The following GPC5 variants were observed in gnomAD, a reference collection of about 807,000 sequenced individuals.
GPC5 encodes glypican-5.
Under a neutral mutation model 53.9 loss-of-function variants are expected in GPC5, and 47 were observed. The observed-to-expected ratio is 0.87, with a 90% CI of 0.69 to 1.11. GPC5 has a LOEUF of 1.11. Ranked by LOEUF, GPC5 falls within the 50% of genes most tolerant of loss-of-function variation. The pLI, the probability that GPC5 is intolerant of heterozygous loss-of-function variation, is 0.00. For synonymous variants in GPC5, 286 were observed against 263.3 expected (o/e 1.09, Z -0.84); for missense variants, 748 against 713.1 (o/e 1.05, Z -0.56).
intron 5 of GPC5, among the ~76,000 whole-genome samples, chr13:91,895,659 A>G (rs2039433731): frequency 6.7e-6 from 1 of 148,198 alleles, no homozygotes; most frequent in Admixed American, 6.8e-5. Context: ...TTTCTTTAAC[A>G]TGACTTTAAA....
At chr13:92,695,317 A>G (rs1594426312) in intron 7 of GPC5, among the ~76,000 whole-genome samples, 1 of 152,180 alleles carries the variant, frequency 6.6e-6, no homozygotes, top group African/African-American at 2.4e-5. Context: ...GATTCTAGAT[A>G]TTAGACCTTG....
At chr13:92,865,909 A>T (rs1327052370) in intron 7 of GPC5, among the ~76,000 whole-genome samples, 1 of 152,170 alleles carries the variant, frequency 6.6e-6, no homozygotes, top group Admixed American at 6.6e-5. Flanking sequence ...TTTTATTTTC[A>T]TGGGAAAAGT....
chr13:91,603,243 T>G (rs1158563421), intron 2 of GPC5, among the ~76,000 whole-genome samples: 1 of 152,210 alleles, frequency 6.6e-6, no homozygotes, highest in African/African-American at 2.4e-5. Flanking sequence ...AGGCTGAATG[T>G]GAAATTTTAA....
intron 6 of GPC5, among the ~76,000 whole-genome samples, chr13:92,120,527 A>G (rs2041640515): frequency 1.3e-5 from 2 of 152,198 alleles, no homozygotes; most frequent in South Asian, 4.1e-4. Context: ...CTAGGATTAC[A>G]GGTGCGAGCC....
chr13:92,342,703 T>A (rs2043377252), intron 7 of GPC5, among the ~76,000 whole-genome samples: 1 of 152,136 alleles, frequency 6.6e-6, no homozygotes. Context: ...AAGACAATCA[T>A]AAATGATTCC....
intron 5 of GPC5, among the ~76,000 whole-genome samples, chr13:91,780,249 G>T (rs1285506722): frequency 2.0e-5 from 3 of 152,080 alleles, no homozygotes; most frequent in Admixed American, 1.3e-4. Flanking sequence ...TATATCATTT[G>T]CCTTCCAGCT....
At chr13:92,151,068 G>A (rs1452146341) in intron 7 of GPC5, among the ~76,000 whole-genome samples, 1 of 152,016 alleles carries the variant, frequency 6.6e-6, no homozygotes, top group East Asian at 1.9e-4. Context: ...TCTGTCTCGG[G>A]ATTGATAAAG....
chr13:91,671,931 T>A (rs1340044953), intron 2 of GPC5, among the ~76,000 whole-genome samples: 1 of 151,574 alleles, frequency 6.6e-6, no homozygotes, highest in Non-Finnish European at 1.5e-5. Context: ...ATCTCAGAGA[T>A]AACACCTCAC....
Position 92,773,433 on chromosome 13 carries a change from C to T in GPC5, c.1562-92849C>T, listed in dbSNP as rs538097036. ...ATTTCCTAAACTGGAGTTCACTCTC[C>T]TCATGATGAATTCAGAAAAATAATT... On this transcript the variant is annotated intron_variant, in intron 7 of 7. Coordinates refer to ENST00000377067, the MANE Select transcript of GPC5 (RefSeq NM_004466.6). Among the ~76,000 whole-genome samples the T allele has an allele frequency of 2.1e-4, 32 of 152,120 alleles. 1 individual carries two copies. The South Asian group carries it at 3.9e-3, about 19-fold the overall frequency.
chr13:91,522,113 C>T (rs1208906016), intron 2 of GPC5, among the ~76,000 whole-genome samples: 4 of 152,222 alleles, frequency 2.6e-5, no homozygotes, highest in African/African-American at 7.2e-5. Flanking sequence ...TATTCGGAAC[C>T]CTTCCAAACC....
At chr13:92,021,894 G>C (rs1292381536) in intron 6 of GPC5, among the ~76,000 whole-genome samples, 13 of 152,128 alleles carry the variant, frequency 8.5e-5, no homozygotes. Context: ...TAGATTATTA[G>C]TCAAACTGTC....
chr13:92,376,970 G>A (rs1331735051), intron 7 of GPC5, among the ~76,000 whole-genome samples: 6 of 151,818 alleles, frequency 4.0e-5, no homozygotes, highest in Middle Eastern at 3.4e-3. Flanking sequence ...AGCCGACATC[G>A]TGCCACTGCA....
At chr13:91,893,873 T>C (rs1382412344) in intron 5 of GPC5, among the ~76,000 whole-genome samples, 1 of 152,094 alleles carries the variant, frequency 6.6e-6, no homozygotes, top group Non-Finnish European at 1.5e-5. Flanking sequence ...CCGTGTGGCC[T>C]TGAAATCTAT....
intron 7 of GPC5, among the ~76,000 whole-genome samples, chr13:92,237,496 G>A (rs2042579252): frequency 6.6e-6 from 1 of 152,124 alleles, no homozygotes; most frequent in Non-Finnish European, 1.5e-5. Context: ...GGGATTACAG[G>A]TGTGAGCCAC....
chr13:92,076,069 G>A (rs1241459389), intron 6 of GPC5, among the ~76,000 whole-genome samples: 1 of 128,916 alleles, frequency 7.8e-6, no homozygotes, highest in Non-Finnish European at 1.6e-5. Context: ...GGAAAGTTTC[G>A]AAAGTATAAT....
intron 2 of GPC5, among the ~76,000 whole-genome samples, chr13:91,472,692 T>C (rs2139184952): frequency 6.6e-6 from 1 of 152,318 alleles, no homozygotes; most frequent in East Asian, 1.9e-4. Context: ...AATCAGCATC[T>C]GAAAATATTA....
chr13:91,603,948 A>G (rs894768703), intron 2 of GPC5, among the ~76,000 whole-genome samples: 7 of 141,666 alleles, frequency 4.9e-5, no homozygotes, highest in African/African-American at 1.8e-4. Context: ...TGTTCTTACT[A>G]GTTTTTTTTT....
chr13:92,341,556 A>G (rs1009292872), intron 7 of GPC5, among the ~76,000 whole-genome samples: 8 of 152,158 alleles, frequency 5.3e-5, no homozygotes, highest in African/African-American at 1.9e-4. Flanking sequence ...ATTTTCTTCA[A>G]AAATATATTG....
chr13:92,629,792 A>G (rs1052713303), intron 7 of GPC5, among the ~76,000 whole-genome samples: 36 of 152,288 alleles, frequency 2.4e-4, no homozygotes, highest in African/African-American at 7.7e-4. Flanking sequence ...TACACAAGTC[A>G]TGAGTACAAA....
Sources: allele counts gnomAD v4.1 joint callset (sites outside exome capture counted in the v4.1 genomes callset), GRCh38; gene constraint gnomAD v4.1.1; transcripts MANE v1.5; gene names NCBI Gene and HGNC (gene_info 2026-07-23, HGNC 2026-07-21).